The following MUC12 variants were observed in gnomAD, a reference collection of about 807,000 sequenced individuals.
MUC12 encodes the protein mucin-12.
MUC12 carries 172 observed loss-of-function variants against 230.8 expected under a neutral mutation model. That is an observed-to-expected ratio of 0.75 (90% CI 0.66 to 0.85). MUC12 has a LOEUF of 0.85. Ranked by LOEUF, MUC12 falls within the 40% of genes least tolerant of loss-of-function variation. The pLI is 0.00. For synonymous variants in MUC12, 1,259 were observed against 2,401.9 expected (o/e 0.52, Z 13.91); for missense variants, 3,506 against 5,920.6 (o/e 0.59, Z 13.38).
rs1454806545 is a variant in MUC12, at chr7:101,014,067, C to T, written c.15793C>T (p.Arg5265Trp). The part of the protein sequence containing the change: ...IILFSLSQRK[R>W]HREQYDVPQE... ...CTTATTCAGCCTATCCCAGAGAAAACGGCACAGGTGAGCTTGTGAGGCCAG... is the reference window on the plus strand; with the variant it reads ...CTTATTCAGCCTATCCCAGAGAAAATGGCACAGGTGAGCTTGTGAGGCCAG... The change falls in exon 9 of 12, where the codon CGG (arginine) becomes TGG (tryptophan). Residue 5265 changes from arginine (R) to tryptophan (W), a missense_variant. Coordinates refer to ENST00000536621, the MANE Select transcript of MUC12 (RefSeq NM_001164462.2). 1.4e-5 allele frequency: 21 copies of T among 1,532,680 alleles called. No homozygotes were observed. The highest frequency in any genetic ancestry group is 5.9e-5 in the Admixed American group (3 of 50,660). 94.9% of individuals were successfully genotyped at this position (1,532,680 alleles called of 1,614,324 possible).
intron 1 of MUC12, 147 bp downstream of exon 1, chr7:100,969,836 C>A: frequency 8.3e-7 from 1 of 1,201,568 alleles, no homozygotes; most frequent in Non-Finnish European, 1.2e-6. Context: ...GTGCTGTGAC[C>A]TCATCTTGCT....
rs764427210 is a variant in MUC12, at chr7:101,005,066, A to G, written c.14503A>G (p.Thr4835Ala). ...PHSQPGSALS[T>A]VSPASTTVPG... ...TAGCCAACCAGGCTCAGCTCTGTCAACAGTGTCACCTGCCAGCACCACAGT... is the reference window on the plus strand; with the variant it reads ...TAGCCAACCAGGCTCAGCTCTGTCAGCAGTGTCACCTGCCAGCACCACAGT... Residue 4835 changes from threonine (T) to alanine (A), a missense_variant, in exon 2 of 12, where the codon ACA becomes GCA. Thr to Ala is a moderately conservative substitution (Grantham distance 58). Transcript: ENST00000536621. 8.2e-5 allele frequency: 126 copies of G among 1,537,786 alleles called. 3 individuals are homozygous for G. In the South Asian group the frequency reaches 1.5e-3, roughly 18 times the overall value.
Position 100,995,527 on chromosome 7 carries a change from G to A in MUC12, c.4964G>A (p.Gly1655Asp). 1 of 1,536,102 alleles carries A rather than the reference G, an allele frequency of 6.5e-7. No individual in the cohort carries two copies. Among genetic ancestry groups the A allele is most frequent in the Non-Finnish European group, 8.7e-7 (1 of 1,146,880 alleles). Residue 1655 changes from glycine to aspartate, a missense_variant, in exon 2 of 12, where the codon GGC (glycine) becomes GAC (aspartate). By Grantham distance (94) the Gly-to-Asp change is moderately conservative. Transcript: ENST00000536621. The part of the protein sequence containing the change: ...TLLPDNTTAS[G>D]LLEASTPVHS... ...TTACCTGACAACACCACAGCCTCAG[G>A]CCTCCTTGAAGCATCTACGCCCGTC...
At chr7:101,012,199 T>C in intron 5 of MUC12, 97 bp from the exon 6 acceptor site, 1 of 1,334,168 alleles carries the variant, frequency 7.5e-7, no homozygotes, top group Non-Finnish European at 1.0e-6. Flanking sequence ...CTGGGTCACA[T>C]GGCAGCTTCA....
chr7:101,007,605 G>T (rs1793774938), intron 3 of MUC12, among the ~76,000 whole-genome samples: 1 of 152,144 alleles, frequency 6.6e-6, no homozygotes, highest in South Asian at 2.1e-4. Flanking sequence ...TGGCTGAATA[G>T]TACTCCATTG....
intron 1 of MUC12, among the ~76,000 whole-genome samples, chr7:100,982,614 A>C (rs1212582070): frequency 6.6e-6 from 1 of 151,698 alleles, no homozygotes; most frequent in Non-Finnish European, 1.5e-5. Context: ...TTTTTTGTTG[A>C]GATGGGGTCT....
chr7:100,993,906 C>A lies in MUC12; in HGVS notation c.3343C>A (p.Leu1115Ile), dbSNP rs1200051771. The change falls in exon 2 of 12, where the codon CTC (leucine) becomes ATC (isoleucine). Residue 1115 changes from leucine to isoleucine, a missense_variant. Coordinates refer to ENST00000536621, the MANE Select transcript of MUC12 (RefSeq NM_001164462.2). ...YSSPRSPTTT[L>I]SPASMTSLGV... ...CAGCCCCAGATCACCAACCACAACA[C>A]TCTCACCTGCCAGCATGACAAGCCT... The A allele has an allele frequency of 6.7e-7, 1 of 1,492,438 alleles. No homozygotes were observed. Among genetic ancestry groups the A allele is most frequent in the East Asian group, 2.6e-5 (1 of 38,962 alleles). 92.4% of individuals were successfully genotyped at this position (1,492,438 alleles called of 1,614,324 possible).
intron 6 of MUC12, 149 bp from the exon 7 acceptor site, chr7:101,012,670 A>G (rs1480535655): frequency 1.0e-6 from 1 of 1,001,114 alleles, no homozygotes; most frequent in Admixed American, 2.2e-5. Context: ...GCCTCCTCAC[A>G]AGCCCAGCTG....
rs998266539 is a variant in MUC12 at position 100,991,896 on chromosome 7, G to A, written c.1333G>A (p.Asp445Asn). 7 of 1,537,844 alleles carry A rather than the reference G, an allele frequency of 4.6e-6. 1 individual carries two copies. The African/African-American group carries it at 9.6e-5, about 21-fold the overall frequency. ...EESKASHSSP[D>N]AMATTVLPAG... The stretch of plus-strand genomic sequence containing the variant: ...ATCAAAAGCATCCCACAGCAGCCCA[G>A]ATGCAATGGCAACAACAGTCTTACC... The change falls in exon 2 of 12, where the codon GAT becomes AAT. Residue 445 changes from aspartate (D) to asparagine (N), a missense_variant. Coordinates refer to ENST00000536621, the MANE Select transcript of MUC12 (RefSeq NM_001164462.2).
chr7:100,988,797 T>A (rs1360102925), intron 1 of MUC12, among the ~76,000 whole-genome samples: 4 of 152,106 alleles, frequency 2.6e-5, no homozygotes, highest in African/African-American at 7.2e-5. Context: ...CTCCCACAAT[T>A]CCCATGTGTT....
At chr7:101,013,274 C>G in intron 8 of MUC12, 132 bp downstream of exon 8, 1 of 964,968 alleles carries the variant, frequency 1.0e-6, no homozygotes, top group Middle Eastern at 3.3e-4. Flanking sequence ...CTGGACATAC[C>G]TCTCCCCTGT....
chr7:101,008,917 C>T (rs1793798968), intron 4 of MUC12, among the ~76,000 whole-genome samples, 156 bp downstream of exon 4: 1 of 152,134 alleles, frequency 6.6e-6, no homozygotes, highest in Non-Finnish European at 1.5e-5. Flanking sequence ...TGAGAGCTTC[C>T]AGCCTTCAGC....
chr7:101,002,905 T>C lies in MUC12; in HGVS notation c.12342T>C (p.Thr4114=). 3.3e-6 allele frequency: 4 copies of C among 1,216,002 alleles called. No individual in the cohort carries two copies. The highest frequency in any genetic ancestry group is 4.5e-6 in the Non-Finnish European group (4 of 882,864). The allele number at this position is 1,216,002 out of a possible 1,614,324, so 75.3% of individuals were successfully genotyped here. A position where few individuals can be genotyped will look rare whatever the true frequency, so the allele number is the denominator to read the frequency against. ...STTYHSRPSS[T]PTTHFSASST... The stretch of plus-strand genomic sequence containing the variant: ...CCTACCACAGCCGCCCGAGCTCAAC[T>C]CCAACAACACACTTTTCTGCCAGTT... Residue 4114 remains threonine (T), a synonymous_variant, in exon 2 of 12, where the codon ACT becomes ACC. Transcript: ENST00000536621.
At chr7:101,007,939 A>T (rs1456500562) in intron 3 of MUC12, among the ~76,000 whole-genome samples, 3 of 149,896 alleles carry the variant, frequency 2.0e-5, no homozygotes, top group Non-Finnish European at 4.4e-5. Context: ...CTGGGACTAC[A>T]GGTGCCCGTC....
chr7:101,011,894 T>C (rs1481317383), intron 5 of MUC12, among the ~76,000 whole-genome samples: 1 of 152,194 alleles, frequency 6.6e-6, no homozygotes, highest in Non-Finnish European at 1.5e-5. Flanking sequence ...AGTTATTTTG[T>C]ATATATACCC....
At chr7:101,010,345 G>A (rs1439988799) in intron 5 of MUC12, among the ~76,000 whole-genome samples, 3 of 151,974 alleles carry the variant, frequency 2.0e-5, no homozygotes, top group Non-Finnish European at 4.4e-5. Flanking sequence ...GTCTTATTTT[G>A]GGGGGATCGG....
chr7:101,009,493 G>A (rs557067883), intron 5 of MUC12, among the ~76,000 whole-genome samples: 5 of 152,160 alleles, frequency 3.3e-5, no homozygotes, highest in African/African-American at 1.2e-4. Flanking sequence ...CCTGGGAGAG[G>A]TCCCAAAAGC....
intron 1 of MUC12, among the ~76,000 whole-genome samples, chr7:100,975,519 T>C (rs1195469736): frequency 6.6e-6 from 1 of 152,310 alleles, no homozygotes; most frequent in Admixed American, 6.5e-5. Flanking sequence ...AATAAACTTA[T>C]TCAGCAAACA....
At chr7:100,977,050 C>CAAAAAAA (rs1157648244) in intron 1 of MUC12, among the ~76,000 whole-genome samples, 23 of 62,428 alleles carry the variant, frequency 3.7e-4, no homozygotes, top group African/African-American at 5.8e-4. Context: ...GACTCCATCT[C>CAAAAAAA]AAAAAAAAAA....
Sources: gnomAD v4.1 joint callset for allele counts (sites outside exome capture counted in the v4.1 genomes callset) on GRCh38, gnomAD v4.1.1 for gene constraint, MANE v1.5 for transcripts, NCBI Gene and HGNC (gene_info 2026-07-23, HGNC 2026-07-21) for gene names.